The following DMD variants were observed in gnomAD, a reference collection of about 807,000 sequenced individuals.
DMD encodes the protein mutant dystrophin.
A neutral mutation model predicts 330.1 loss-of-function variants in DMD; 63 were observed. The ratio of observed to expected loss-of-function variants is 0.19; its 90% CI spans 0.16 to 0.24. The LOEUF (loss-of-function observed/expected upper bound fraction) is 0.24. DMD is among the 10% of genes least tolerant of loss of function. The probability of loss-of-function intolerance (pLI) is 1.00; values close to 1 mark genes in which losing one functional copy is unlikely to be tolerated. For synonymous variants in DMD, 1,223 were observed against 959.8 expected (o/e 1.27, Z -5.07); for missense variants, 3,344 against 2,684.1 (o/e 1.25, Z -5.43).
At chrX:32,524,081 C>A (rs1279564161) in intron 17 of DMD, among the ~76,000 whole-genome samples, 1 of 108,919 alleles carries the variant, frequency 9.2e-6, no homozygotes, top group African/African-American at 3.4e-5. Context: ...CACAGGCGCC[C>A]GCCACCACGC....
At chrX:31,723,330 T>C (rs930718790) in intron 52 of DMD, among the ~76,000 whole-genome samples, 11 of 110,982 alleles carry the variant, frequency 9.9e-5, no homozygotes, top group African/African-American at 3.6e-4. Context: ...TATGGTCATC[T>C]AGCTTCATGT....
intron 77 of DMD, among the ~76,000 whole-genome samples, chrX:31,131,850 G>C (rs980846603): frequency 1.8e-5 from 2 of 111,820 alleles, no homozygotes; most frequent in African/African-American, 6.5e-5. Flanking sequence ...TTATCCACTT[G>C]AATTTGGGGA....
At chrX:32,010,928 C>T (rs752181373) in intron 44 of DMD, among the ~76,000 whole-genome samples, 1 of 111,934 alleles carries the variant, frequency 8.9e-6, no homozygotes, top group South Asian at 3.7e-4. Flanking sequence ...ACTAAAAAAC[C>T]CCAATCTGGT....
chrX:33,152,064 A>G (rs1354415162), intron 1 of DMD, among the ~76,000 whole-genome samples: 1 of 111,640 alleles, frequency 9.0e-6, no homozygotes, highest in African/African-American at 3.3e-5. Context: ...TGTTCTTTAC[A>G]TTTGTATGTT....
At chrX:32,765,338 T>G (rs141801875) in intron 7 of DMD, among the ~76,000 whole-genome samples, 25 of 109,869 alleles carry the variant, frequency 2.3e-4, no homozygotes, top group Middle Eastern at 4.7e-3. Context: ...TGAAATCTGG[T>G]CGTTTAAAAG....
chrX:32,629,814 T>A (rs1031585121), intron 11 of DMD, among the ~76,000 whole-genome samples: 50 of 104,471 alleles, frequency 4.8e-4, no homozygotes, highest in African/African-American at 1.0e-3. Flanking sequence ...AAAAAAAAAA[T>A]GCTACACTTT....
intron 1 of DMD, among the ~76,000 whole-genome samples, chrX:33,103,508 C>A (rs2095258561): frequency 9.0e-6 from 1 of 111,057 alleles, no homozygotes; most frequent in Non-Finnish European, 1.9e-5. Context: ...AAAGCTCCCC[C>A]ACTGAGCACC....
chrX:33,296,234 C>T (rs906260297), intron 1 of DMD, among the ~76,000 whole-genome samples: 2 of 110,797 alleles, frequency 1.8e-5, no homozygotes, highest in African/African-American at 6.5e-5. Flanking sequence ...TTAAAGTAAT[C>T]CATTGTGGTG....
intron 78 of DMD, among the ~76,000 whole-genome samples, chrX:31,122,456 C>T (rs904669808): frequency 2.7e-5 from 3 of 111,270 alleles, no homozygotes; most frequent in African/African-American, 9.8e-5. Flanking sequence ...CCACCATCAC[C>T]GCCACACCAA....
intron 55 of DMD, among the ~76,000 whole-genome samples, chrX:31,618,227 A>G (rs2078324161): frequency 1.2e-5 from 1 of 84,435 alleles, no homozygotes; most frequent in Non-Finnish European, 2.4e-5. Flanking sequence ...AGCTTAAAAT[A>G]AAAGTGAAAA....
intron 7 of DMD, among the ~76,000 whole-genome samples, chrX:32,729,297 T>A (rs1426405306): frequency 8.9e-6 from 1 of 112,234 alleles, no homozygotes; most frequent in Non-Finnish European, 1.9e-5. Context: ...CCAAGCATTT[T>A]GGATAAGGGA....
chrX:33,003,197 C>T (rs976293228), intron 2 of DMD, among the ~76,000 whole-genome samples: 1 of 110,693 alleles, frequency 9.0e-6, no homozygotes, highest in African/African-American at 3.3e-5. Flanking sequence ...ATTCTTATGC[C>T]TTTGCATCCT....
At chrX:31,161,048 C>T (rs2038750054) in intron 74 of DMD, among the ~76,000 whole-genome samples, 1 of 111,492 alleles carries the variant, frequency 9.0e-6, no homozygotes, top group African/African-American at 3.3e-5. Context: ...AACAGCCTCT[C>T]TTTCATAGGG....
intron 13 of DMD, among the ~76,000 whole-genome samples, chrX:32,593,108 C>T (rs12015036): frequency 1.8e-5 from 2 of 112,432 alleles, no homozygotes; most frequent in African/African-American, 6.5e-5. Context: ...GCCTGCCAGG[C>T]TGAGTGGGTG....
intron 44 of DMD, among the ~76,000 whole-genome samples, chrX:32,032,525 A>G (rs2095893363): frequency 1.8e-5 from 2 of 111,925 alleles, no homozygotes; most frequent in Non-Finnish European, 1.9e-5. Context: ...GAAATGGGAA[A>G]AGAAGCACAT....
intron 1 of DMD, among the ~76,000 whole-genome samples, chrX:33,286,337 TTA>T (rs1351204892): frequency 8.9e-6 from 1 of 112,018 alleles, no homozygotes; most frequent in Non-Finnish European, 1.9e-5. Flanking sequence ...CTTACTCAAC[TTA>T]TTTATTTTCT....
intron 74 of DMD, among the ~76,000 whole-genome samples, chrX:31,164,734 G>A (rs1353503224): frequency 2.7e-5 from 3 of 110,702 alleles, no homozygotes; most frequent in South Asian, 3.9e-4. Flanking sequence ...CCTGTGTGGC[G>A]TATATTCATG....
At chrX:33,337,435 C>T (rs1208769082) in intron 1 of DMD, among the ~76,000 whole-genome samples, 1 of 111,321 alleles carries the variant, frequency 9.0e-6, no homozygotes, top group Non-Finnish European at 1.9e-5. Flanking sequence ...TTGAGCTTCC[C>T]AAAGATTAAC....
At chrX:32,695,752 GTTATTAAATTA>G (rs1484813254) in intron 9 of DMD, among the ~76,000 whole-genome samples, 3 of 111,727 alleles carry the variant, frequency 2.7e-5, no homozygotes, top group African/African-American at 6.5e-5. Context: ...TTGAAGCCAG[GTTATTAAATTA>G]TTATTAAATT....
Sources: allele counts gnomAD v4.1 joint callset (sites outside exome capture counted in the v4.1 genomes callset), GRCh38; gene constraint gnomAD v4.1.1; transcripts MANE v1.5; gene names NCBI Gene and HGNC (gene_info 2026-07-23, HGNC 2026-07-21).